The following STARD13 variants were observed in gnomAD, a reference collection of about 807,000 sequenced individuals.
The protein encoded by STARD13 is StAR related lipid transfer domain containing 13, also known as stAR-related lipid transfer protein 13.
A neutral mutation model predicts 106.4 loss-of-function variants in STARD13; 62 were observed. That is an observed-to-expected ratio of 0.58 (90% confidence interval 0.48 to 0.72). The LOEUF (loss-of-function observed/expected upper bound fraction) is 0.72. Among genes scored for constraint, STARD13 ranks in the 30% least tolerant of loss-of-function variants. The probability of loss-of-function intolerance (pLI) is 0.00; values close to 1 mark genes in which losing one functional copy is unlikely to be tolerated. For synonymous variants in STARD13, 565 were observed against 553.0 expected (o/e 1.02, Z -0.31); for missense variants, 1,387 against 1,424.0 (o/e 0.97, Z 0.42).
At chr13:33,326,314 CTTAG>C (rs1288867814) in intron 1 of STARD13, among the ~76,000 whole-genome samples, 3 of 152,328 alleles carry the variant, frequency 2.0e-5, no homozygotes, top group East Asian at 3.9e-4. Flanking sequence ...GCTGTTTTCA[CTTAG>C]TTAAACACCA....
At chr13:33,369,392 A>G in the STARD13 span, among the ~76,000 whole-genome samples, 1 of 152,316 alleles carries the variant, frequency 6.6e-6, no homozygotes, top group African/African-American at 2.4e-5. Context: ...CCCTTCAAAT[A>G]CCTTGAAAAA....
intron 1 of STARD13, among the ~76,000 whole-genome samples, chr13:33,253,748 A>G (rs1890201767): frequency 6.6e-6 from 1 of 152,154 alleles, no homozygotes; most frequent in Non-Finnish European, 1.5e-5. Context: ...TGTCAAGGGT[A>G]GCTCTGATTT....
At chr13:33,152,784 A>G (rs1881451068) in intron 3 of STARD13, among the ~76,000 whole-genome samples, 1 of 152,238 alleles carries the variant, frequency 6.6e-6, no homozygotes, top group Non-Finnish European at 1.5e-5. Context: ...CTTGTGCTCA[A>G]GCACAAGCCT....
chr13:33,629,152 G>A, the STARD13 span, among the ~76,000 whole-genome samples: 2 of 152,170 alleles, frequency 1.3e-5, no homozygotes, highest in Non-Finnish European at 1.5e-5. Flanking sequence ...TCCTCTACAT[G>A]AGGCTACCCC....
At chr13:33,590,826 G>A in the STARD13 span, among the ~76,000 whole-genome samples, 1,491 of 152,152 alleles carry the variant, frequency 9.8e-3, 27 homozygotes, top group African/African-American at 0.034. Flanking sequence ...TGCACGTTGT[G>A]CACATGTACC....
chr13:33,476,534 C>T, the STARD13 span, among the ~76,000 whole-genome samples: 22 of 152,226 alleles, frequency 1.4e-4, no homozygotes, highest in Non-Finnish European at 2.5e-4. Flanking sequence ...ATTTCCAAAA[C>T]GGATATTTAC....
At chr13:33,394,998 A>T in the STARD13 span, among the ~76,000 whole-genome samples, 8 of 152,286 alleles carry the variant, frequency 5.3e-5, no homozygotes, top group East Asian at 1.3e-3. Context: ...TGTTCTCTAA[A>T]ATGTTTTAGT....
chr13:33,582,445 C>G, the STARD13 span, among the ~76,000 whole-genome samples: 8 of 152,254 alleles, frequency 5.3e-5, no homozygotes, highest in Non-Finnish European at 1.2e-4. Flanking sequence ...AAAACCCTCT[C>G]TTCTCCAAGT....
At chr13:33,229,124 C>T (rs1015783508) in intron 1 of STARD13, among the ~76,000 whole-genome samples, 1 of 152,132 alleles carries the variant, frequency 6.6e-6, no homozygotes, top group African/African-American at 2.4e-5. Flanking sequence ...CCTGTATGGG[C>T]TTCTAGATCT....
the STARD13 span, among the ~76,000 whole-genome samples, chr13:33,479,699 G>A: frequency 6.6e-6 from 1 of 152,130 alleles, no homozygotes; most frequent in Admixed American, 6.5e-5. Context: ...CATCTGGCAG[G>A]AGGTGACTGG....
intron 1 of STARD13, among the ~76,000 whole-genome samples, chr13:33,338,967 GT>G (rs2077929226): frequency 1.3e-5 from 2 of 151,984 alleles, no homozygotes; most frequent in Non-Finnish European, 2.9e-5. Context: ...GTGGTTTCGG[GT>G]GGGGGTTAAA....
chr13:33,565,380 T>C, the STARD13 span, among the ~76,000 whole-genome samples: 2 of 147,808 alleles, frequency 1.4e-5, 1 homozygote. Flanking sequence ...ATATTTAAGG[T>C]GATAAATAAT....
chr13:33,643,481 A>T, the STARD13 span, among the ~76,000 whole-genome samples: 1 of 152,278 alleles, frequency 6.6e-6, no homozygotes, highest in Non-Finnish European at 1.5e-5. Flanking sequence ...AGTGTGGCCC[A>T]GAATAAAGTC....
intron 3 of STARD13, among the ~76,000 whole-genome samples, chr13:33,149,782 C>T (rs1019917759): frequency 1.3e-5 from 2 of 152,202 alleles, no homozygotes; most frequent in African/African-American, 4.8e-5. Context: ...GATCTGACTG[C>T]CTCAAGTAAA....
At chr13:33,385,857 A>C in the STARD13 span, among the ~76,000 whole-genome samples, 8 of 147,660 alleles carry the variant, frequency 5.4e-5, no homozygotes, top group Admixed American at 2.0e-4. Context: ...TCTCAAAAAA[A>C]AAAAAACAAA....
the STARD13 span, among the ~76,000 whole-genome samples, chr13:33,473,600 C>T: frequency 6.6e-6 from 1 of 152,188 alleles, no homozygotes; most frequent in Non-Finnish European, 1.5e-5. Flanking sequence ...CAAACCCCTG[C>T]TGTTTCAATA....
chr13:33,185,519 A>G (rs771448989), intron 1 of STARD13, among the ~76,000 whole-genome samples: 1 of 152,158 alleles, frequency 6.6e-6, no homozygotes, highest in Non-Finnish European at 1.5e-5. Flanking sequence ...CGAGGACACT[A>G]TGAAATTCTT....
At chr13:33,188,796 A>G (rs1291492236) in intron 1 of STARD13, among the ~76,000 whole-genome samples, 1 of 152,244 alleles carries the variant, frequency 6.6e-6, no homozygotes, top group African/African-American at 2.4e-5. Flanking sequence ...AGATGGGTAC[A>G]ATTTCCTGGC....
chr13:33,270,033 C>T (rs552712420), intron 1 of STARD13, among the ~76,000 whole-genome samples: 4 of 152,204 alleles, frequency 2.6e-5, no homozygotes, highest in South Asian at 2.1e-4. Flanking sequence ...GTCAGGAGTT[C>T]GAGACCAGCC....
Sources: allele counts gnomAD v4.1 joint callset (sites outside exome capture counted in the v4.1 genomes callset), GRCh38; gene constraint gnomAD v4.1.1; transcripts MANE v1.5; gene names NCBI Gene and HGNC (gene_info 2026-07-23, HGNC 2026-07-21).